GAS2L1: variants seen among roughly 807,000 people sequenced by gnomAD.
GAS2L1 encodes the protein GAS2-like protein 1.
Under a neutral mutation model 44.0 loss-of-function variants are expected in GAS2L1, and 26 were observed. The ratio of observed to expected loss-of-function variants is 0.59; its 90% CI spans 0.43 to 0.82. GAS2L1 has a LOEUF of 0.82. Ranked by LOEUF, GAS2L1 falls within the 40% of genes least tolerant of loss-of-function variation. GAS2L1 has a pLI of 0.00. For missense variants in GAS2L1, 1,006 were observed against 983.0 expected (o/e 1.02, Z -0.31); for synonymous variants, 426 against 415.9 (o/e 1.02, Z -0.30).
chr22:29,311,502 T>C (rs1392717556), exon 5 of GAS2L1: 1 of 1,517,494 alleles, frequency 6.6e-7, no homozygotes, highest in Non-Finnish European at 8.8e-7. Context: ...CTCCCGCCGC[T>C]ACTCCGGGGA....
At chr22:29,312,752 A>G (rs1211469076) in exon 5 of GAS2L1, 16 of 376,752 alleles carry the variant, frequency 4.2e-5, no homozygotes, top group Non-Finnish European at 7.6e-5. Flanking sequence ...CCTGTGGCCC[A>G]GCAGAGCCTC....
intron 4 of GAS2L1, 57 bp from the exon 6 acceptor site, chr22:29,311,405 T>C: frequency 1.1e-5 from 8 of 696,056 alleles, no homozygotes; most frequent in South Asian, 1.1e-4. Context: ...CCCTGCCTGT[T>C]CTGCATGCCA....
Position 29,311,729 on chromosome 22 carries a change from G to C in GAS2L1, c.1278G>C (p.Ser426=), listed in dbSNP as rs1289637610. 9 of 1,531,938 alleles carry C rather than the reference G, an allele frequency of 5.9e-6. No homozygotes were observed. The Admixed American group carries it at 1.6e-4, about 27-fold the overall frequency. 94.9% of individuals were successfully genotyped at this position (1,531,938 alleles called of 1,614,324 possible). ...CAGGAGGCAGGGGAGCCCAGCTGTC[G>C]GTCCCCAGCCCTGCCCGGCGGGCCC... The change falls in exon 5 of 5, where the codon TCG becomes TCC. Residue 426 remains serine (S), a synonymous_variant. Transcript: ENST00000618518.
At chr22:29,311,434 A>T in intron 4 of GAS2L1, 28 bp from the exon 6 acceptor site, 1 of 865,858 alleles carries the variant, frequency 1.2e-6, no homozygotes, top group Non-Finnish European at 1.8e-6. Context: ...GTGGTACCCC[A>T]TCTGTCTCTA....
At chr22:29,308,306 C>G in exon 1 of GAS2L1, 1 of 1,607,586 alleles carries the variant, frequency 6.2e-7, no homozygotes. Flanking sequence ...AACATGCCAA[C>G]GCCGTGACCG....
chr22:29,311,644 C>G (rs773860865), exon 5 of GAS2L1: 5 of 1,534,640 alleles, frequency 3.3e-6, no homozygotes, highest in Non-Finnish European at 4.4e-6. Flanking sequence ...CCGAGACGGC[C>G]TCCTGCCCTG....
exon 5 of GAS2L1, chr22:29,312,385 C>T: frequency 6.3e-7 from 1 of 1,591,872 alleles, no homozygotes; most frequent in Non-Finnish European, 8.6e-7. Flanking sequence ...CGTAAACCCT[C>T]ACGTATCCCC....
At chr22:29,311,751 G>A (rs902321986) in exon 5 of GAS2L1, 7 of 1,535,412 alleles carry the variant, frequency 4.6e-6, no homozygotes, top group Non-Finnish European at 6.1e-6. Flanking sequence ...TGCCCGGCGG[G>A]CCCGGAGCCA....
chr22:29,311,982 C>T (rs190764048), exon 5 of GAS2L1: 3 of 1,610,584 alleles, frequency 1.9e-6, no homozygotes, highest in African/African-American at 2.7e-5. Context: ...GCAGCTCGAC[C>T]CGCAGCAGGA....
chr22:29,311,377 A>G (rs2061403479), intron 4 of GAS2L1, 85 bp from the exon 6 acceptor site: 6 of 625,064 alleles, frequency 9.6e-6, no homozygotes, highest in Non-Finnish European at 1.7e-5. Flanking sequence ...CACCAGCCAC[A>G]TACCCTGCTG....
chr22:29,309,049 G>A (rs1482350614), intron 1 of GAS2L1, among the ~76,000 whole-genome samples: 3 of 152,216 alleles, frequency 2.0e-5, no homozygotes, highest in Admixed American at 6.5e-5. Context: ...CCTTCTTCTG[G>A]GGGGCCGCAT....
At position 29,311,608 on chromosome 22, in the gene GAS2L1, G is replaced by A. The variant is rs557117897; in HGVS notation, c.1157G>A (p.Arg386Gln). The A allele has an allele frequency of 4.3e-4, 660 of 1,538,964 alleles. 4 individuals carry two copies. The African/African-American group carries it at 4.9e-3, about 11-fold the overall frequency. The change falls in exon 5 of 5, where the codon CGG becomes CAG. Residue 386 changes from arginine to glutamine, a missense_variant. Transcript: ENST00000618518. Reference sequence around the variant, plus strand: ...CCCCGGAGGGAGCGACCCAGCCGGCGGCTGACCACAGGCACCCCGGCCTCT... The same window carrying A: ...CCCCGGAGGGAGCGACCCAGCCGGCAGCTGACCACAGGCACCCCGGCCTCT...
chr22:29,308,570 A>C (rs763701756), exon 1 of GAS2L1: 1 of 1,598,796 alleles, frequency 6.3e-7, no homozygotes. Context: ...TGCTGGCCCC[A>C]CGCCTCGTGC....
At chr22:29,312,165 G>C in exon 5 of GAS2L1, 1 of 1,613,050 alleles carries the variant, frequency 6.2e-7, no homozygotes, top group Non-Finnish European at 8.5e-7. Context: ...GTCCCTCAGC[G>C]TCCTGGGTGG....
At chr22:29,308,181 G>A (rs765503726) in exon 1 of GAS2L1, 3 of 1,606,070 alleles carry the variant, frequency 1.9e-6, no homozygotes, top group African/African-American at 2.7e-5. Flanking sequence ...TGAGGCCTAC[G>A]TGGAGGCCAT....
chr22:29,308,348 G>C (rs879394566), exon 1 of GAS2L1: 16 of 1,603,930 alleles, frequency 1.0e-5, no homozygotes, highest in East Asian at 4.5e-5. Flanking sequence ...CCGCCCGCCC[G>C]GCCCGAGGTG....
At position 29,311,448 on chromosome 22, in the gene GAS2L1, TC is replaced by T; in HGVS notation, c.1011-9del. On this transcript the variant is annotated splice_polypyrimidine_tract_variant and intron_variant, in intron 4 of 4. Transcript: ENST00000618518. ...CGTGGTACCCCATCTGTCTCTATTG[TC>T]CCCCTGCCCCAGGCCCCGGGATCAG... 3 of 1,044,728 alleles carry T rather than the reference TC, an allele frequency of 2.9e-6. No individual in the cohort carries two copies. The allele number at this position is 1,044,728 out of a possible 1,614,324, so 64.7% of individuals were successfully genotyped here.
At chr22:29,308,839 G>C (rs2061376627) in intron 1 of GAS2L1, 101 bp downstream of exon 2, 1 of 931,812 alleles carries the variant, frequency 1.1e-6, no homozygotes, top group Non-Finnish European at 1.5e-6. Context: ...CTGCAGAACA[G>C]TCTGCCCCAC....
chr22:29,307,048 C>A (rs555523229), upstream of GAS2L1: 2,166 of 152,138 alleles, frequency 0.014, 17 homozygotes, highest in Middle Eastern at 0.027. Context: ...GAGGCCGCGG[C>A]GCGGGACGCA....
Sources: allele counts gnomAD v4.1 joint callset (sites outside exome capture counted in the v4.1 genomes callset), GRCh38; gene constraint gnomAD v4.1.1; transcripts MANE v1.5; gene names NCBI Gene and HGNC (gene_info 2026-07-23, HGNC 2026-07-21).